The following NHEJ1 variants were observed in gnomAD, a reference collection of about 807,000 sequenced individuals.
The protein encoded by NHEJ1 is non-homologous end joining factor 1.
NHEJ1 carries 22 observed loss-of-function variants against 39.4 expected under a neutral mutation model. That is an observed-to-expected ratio of 0.56 (90% confidence interval 0.40 to 0.80). The LOEUF (loss-of-function observed/expected upper bound fraction) is 0.80, where lower values mean the gene tolerates loss of function less well. Among genes scored for constraint, NHEJ1 ranks in the 30% least tolerant of loss-of-function variants. The pLI is 0.00. For missense variants in NHEJ1, 329 were observed against 357.1 expected, an observed-to-expected ratio of 0.92 and a Z score of 0.63; for synonymous variants, 154 against 135.6, an observed-to-expected ratio of 1.14 and a Z score of -0.94.
intron 5 of NHEJ1, among the ~76,000 whole-genome samples, chr2:219,095,523 G>C (rs560445635): frequency 4.2e-4 from 64 of 152,260 alleles, no homozygotes; most frequent in African/African-American, 1.4e-3. Context: ...TGAAACCTAA[G>C]TTAAAGACTC....
intron 5 of NHEJ1, among the ~76,000 whole-genome samples, chr2:219,113,939 G>A (rs1041924197): frequency 6.6e-6 from 1 of 152,148 alleles, no homozygotes; most frequent in East Asian, 1.9e-4. Flanking sequence ...AGTCTATCAC[G>A]CTTCAGGATC....
chr2:219,158,756 GAAC>G lies in NHEJ1; in HGVS notation c.1-397_1-395del, dbSNP rs1459947782. ...AATATGTCACTCCTATCCTTTCCCA[GAAC>G]TAGAAGAGAAGGAATAGTTCTTGTC... On this transcript the variant is annotated intron_variant, in intron 1 of 7. Transcript: ENST00000356853. 2.0e-5 allele frequency: 5 copies of G among 247,734 alleles called. No homozygotes were observed. In the East Asian group the frequency reaches 4.8e-4, roughly 24 times the overall value. The allele number at this position is 247,734 out of a possible 1,614,324, so 15.3% of individuals were successfully genotyped here.
intron 5 of NHEJ1, among the ~76,000 whole-genome samples, chr2:219,125,932 C>G (rs972950605): frequency 3.9e-5 from 6 of 152,212 alleles, no homozygotes; most frequent in Non-Finnish European, 8.8e-5. Context: ...TGCTCTCATC[C>G]CACTTGGCTA....
chr2:219,099,163 G>C (rs1288291499), intron 5 of NHEJ1, among the ~76,000 whole-genome samples: 1 of 152,178 alleles, frequency 6.6e-6, no homozygotes, highest in African/African-American at 2.4e-5. Flanking sequence ...GAAGTGCAAT[G>C]ATTGGTGATT....
chr2:219,152,127 A>AT (rs1949802244), intron 3 of NHEJ1, among the ~76,000 whole-genome samples: 2 of 152,282 alleles, frequency 1.3e-5, no homozygotes, highest in South Asian at 4.1e-4. Flanking sequence ...AATTCAACAG[A>AT]TATCTACTGG....
At position 219,070,634 on chromosome 2, in the gene NHEJ1, G is replaced by C. The variant is rs1293199759; in HGVS notation, c.*5747C>G. ...TTACAGGCGTAAGCCATGGAGCCCA[G>C]TCTTAAATTTCCCCTTTAGCACAAT... On this transcript the variant is annotated 3_prime_UTR_variant, in exon 8 of 8. Transcript: ENST00000356853. 2.6e-5 allele frequency among the ~76,000 whole-genome samples: 4 copies of C among 151,922 alleles called. No individual in the cohort carries two copies. The highest frequency in any genetic ancestry group is 9.7e-5 in the African/African-American group (4 of 41,352).
chr2:219,114,367 T>C (rs933604257), intron 5 of NHEJ1, among the ~76,000 whole-genome samples: 6 of 152,218 alleles, frequency 3.9e-5, no homozygotes, highest in African/African-American at 1.4e-4. Flanking sequence ...CTAGCCAAAC[T>C]TGTATATCAA....
intron 5 of NHEJ1, among the ~76,000 whole-genome samples, chr2:219,113,499 A>G (rs1023569702): frequency 3.9e-5 from 6 of 152,314 alleles, no homozygotes; most frequent in African/African-American, 9.6e-5. Context: ...TTATCTTAAA[A>G]TGTAATCATT....
At chr2:219,085,887 C>T (rs1949107290) in intron 5 of NHEJ1, among the ~76,000 whole-genome samples, 1 of 152,114 alleles carries the variant, frequency 6.6e-6, no homozygotes, top group Non-Finnish European at 1.5e-5. Context: ...GCTGGACATG[C>T]AATGGAGTAA....
intron 5 of NHEJ1, among the ~76,000 whole-genome samples, chr2:219,123,224 A>G (rs1427396979): frequency 6.6e-6 from 1 of 152,222 alleles, no homozygotes; most frequent in Non-Finnish European, 1.5e-5. Context: ...ACAAGGCTCA[A>G]TTAGGCAACA....
Position 219,141,169 on chromosome 2 carries a change from C to T in NHEJ1, c.588+5511G>A, listed in dbSNP as rs150105164. The stretch of plus-strand genomic sequence containing the variant: ...CCAAGGCAGGTGGATCACCTGAGGT[C>T]AGGAGTTCAAGACCAGCCTGGCCAA... On this transcript the variant is annotated intron_variant, in intron 5 of 7. Transcript: ENST00000356853. Among the ~76,000 whole-genome samples the T allele has an allele frequency of 8.7e-4, 133 of 152,284 alleles. No individual in the cohort carries two copies. In the East Asian group the frequency reaches 0.019, roughly 22 times the overall value.
At chr2:219,135,277 T>C (rs1318098406) in intron 5 of NHEJ1, among the ~76,000 whole-genome samples, 6 of 152,148 alleles carry the variant, frequency 3.9e-5, no homozygotes, top group Admixed American at 1.3e-4. Context: ...ATGAAGCTTA[T>C]AGGTTAGGCC....
chr2:219,121,381 T>G (rs1378932928), intron 5 of NHEJ1, among the ~76,000 whole-genome samples: 1 of 152,210 alleles, frequency 6.6e-6, no homozygotes, highest in African/African-American at 2.4e-5. Context: ...ATGTGTTAAT[T>G]TTCCATATTT....
At chr2:219,121,653 C>T (rs535520718) in intron 5 of NHEJ1, among the ~76,000 whole-genome samples, 1 of 151,952 alleles carries the variant, frequency 6.6e-6, no homozygotes, top group Non-Finnish European at 1.5e-5. Context: ...CCAGCCTGGG[C>T]AACATGGTGA....
At chr2:219,113,612 G>A (rs1394786442) in intron 5 of NHEJ1, among the ~76,000 whole-genome samples, 1 of 152,078 alleles carries the variant, frequency 6.6e-6, no homozygotes, top group Non-Finnish European at 1.5e-5. Flanking sequence ...CAAGGCTTTT[G>A]TCCTGACATA....
intron 3 of NHEJ1, among the ~76,000 whole-genome samples, chr2:219,156,255 A>C (rs1456768655): frequency 6.6e-6 from 1 of 152,208 alleles, no homozygotes. Context: ...TCTCAAAAAA[A>C]ATAAATAAAA....
intron 5 of NHEJ1, among the ~76,000 whole-genome samples, chr2:219,119,135 C>T (rs1949446577): frequency 6.6e-6 from 1 of 152,146 alleles, no homozygotes; most frequent in Non-Finnish European, 1.5e-5. Flanking sequence ...CTCCCTTAAC[C>T]CCACTCCCAG....
intron 5 of NHEJ1, among the ~76,000 whole-genome samples, chr2:219,088,650 T>C (rs980319479): frequency 1.3e-5 from 2 of 152,156 alleles, no homozygotes; most frequent in Admixed American, 6.5e-5. Flanking sequence ...TTGGAGGTGG[T>C]AGATATTGGT....
intron 5 of NHEJ1, among the ~76,000 whole-genome samples, chr2:219,104,442 C>A (rs1273145355): frequency 6.6e-6 from 1 of 152,118 alleles, no homozygotes; most frequent in Non-Finnish European, 1.5e-5. Flanking sequence ...CTCTCTCTAC[C>A]CAGGGTGTTC....
Sources: gnomAD v4.1 joint callset for allele counts (sites outside exome capture counted in the v4.1 genomes callset) on GRCh38, gnomAD v4.1.1 for gene constraint, MANE v1.5 for transcripts, NCBI Gene and HGNC (gene_info 2026-07-23, HGNC 2026-07-21) for gene names.